The following A3GALT2 variants were observed in gnomAD, a reference collection of about 807,000 sequenced individuals.
A3GALT2 encodes alpha-1,3-galactosyltransferase 2.
Under a neutral mutation model 16.6 loss-of-function variants are expected in A3GALT2, and 14 were observed. The observed-to-expected ratio is 0.84, with a 90% CI of 0.56 to 1.32. The LOEUF is 1.32. A3GALT2 is among the 40% of genes most tolerant of loss of function. A3GALT2 has a pLI of 0.00. For synonymous variants in A3GALT2, 253 were observed against 218.0 expected (o/e 1.16, Z -1.42); for missense variants, 600 against 490.9 (o/e 1.22, Z -2.10).
chr1:33,320,045 C>T lies in A3GALT2; in HGVS notation c.23+1031G>A, dbSNP rs1384868758. Among the ~76,000 whole-genome samples, 5 of 151,956 alleles carry T rather than the reference C, an allele frequency of 3.3e-5. No individual in the cohort carries two copies. In the East Asian group the frequency reaches 9.7e-4, roughly 29 times the overall value. ...CATTTGGGTTCCATTTGACCTGGGC[C>T]TAGCTCAGCCCTGAGGCTCATCTCA... On this transcript the variant is annotated intron_variant, in intron 1 of 4. Transcript: ENST00000442999. This position sits in a 1 kb window ranked among gnomAD's most constrained non-coding sequence, Gnocchi z 4.3.
intron 4 of A3GALT2, among the ~76,000 whole-genome samples, chr1:33,308,750 G>GCTTTTTTTTTTT (rs1646216220): frequency 2.2e-5 from 1 of 46,130 alleles, no homozygotes; most frequent in Non-Finnish European, 3.8e-5. Context: ...TGTCAAAGTT[G>GCTTTTTTTTTTT]TTTTTTTTTT....
At chr1:33,309,792 C>T (rs916121581) in intron 4 of A3GALT2, among the ~76,000 whole-genome samples, 18 of 150,196 alleles carry the variant, frequency 1.2e-4, no homozygotes, top group Middle Eastern at 3.6e-3. Context: ...GGATGGCGGC[C>T]GGGAAGAGGC....
intron 1 of A3GALT2, among the ~76,000 whole-genome samples, chr1:33,316,664 ATGGGCAAGACT>A (rs1646263702): frequency 6.6e-6 from 1 of 152,084 alleles, no homozygotes. Context: ...GGGAGGGCAC[ATGGGCAAGACT>A]TGGCCATGGA....
chr1:33,311,650 C>A (rs1368499683), intron 4 of A3GALT2, among the ~76,000 whole-genome samples: 1 of 152,322 alleles, frequency 6.6e-6, no homozygotes, highest in South Asian at 2.1e-4. Context: ...GAGCTGCTGA[C>A]CTCCAATGGG....
intron 4 of A3GALT2, among the ~76,000 whole-genome samples, chr1:33,310,284 G>C (rs1018037258): frequency 1.1e-4 from 17 of 152,166 alleles, no homozygotes; most frequent in African/African-American, 3.4e-4. Flanking sequence ...GCATCAGAGG[G>C]AGACCGTGGA....
At position 33,320,073 on chromosome 1, in the gene A3GALT2, A is replaced by G. The variant is rs937849897; in HGVS notation, c.23+1003T>C. 1.8e-4 allele frequency among the ~76,000 whole-genome samples: 27 copies of G among 151,788 alleles called. No individual in the cohort carries two copies. Among genetic ancestry groups the G allele is most frequent in the Admixed American group, 1.7e-3 (26 of 15,042 alleles). Reference sequence around the variant, plus strand: ...GCTCAGCCCTGAGGCTCATCTCACAAGGTTCTCGGCCCTGTTATTTCTCCC... The same window carrying G: ...GCTCAGCCCTGAGGCTCATCTCACAGGGTTCTCGGCCCTGTTATTTCTCCC... On this transcript the variant is annotated intron_variant, in intron 1 of 4. Coordinates refer to ENST00000442999, the MANE Select transcript of A3GALT2 (RefSeq NM_001080438.1). The surrounding 1 kb of genome is among the most constrained non-coding windows in gnomAD (Gnocchi z 4.3).
At position 33,307,458 on chromosome 1, in the gene A3GALT2, G is replaced by A. The variant is rs2148155535; in HGVS notation, c.336-5C>T. On this transcript the variant is annotated splice_region_variant and splice_polypyrimidine_tract_variant and intron_variant, in intron 4 of 4. Coordinates refer to ENST00000442999, the MANE Select transcript of A3GALT2 (RefSeq NM_001080438.1). Reference sequence around the variant, plus strand: ...TCCAGGTACTTCTCCAGGTATCTAAGGGCGCGGCGCCACCGTCAGCCTGAG... The same window carrying A: ...TCCAGGTACTTCTCCAGGTATCTAAAGGCGCGGCGCCACCGTCAGCCTGAG... The A allele has an allele frequency of 2.0e-6, 3 of 1,491,696 alleles. No homozygotes were observed. The African/African-American group carries it at 4.4e-5, about 22-fold the overall frequency. The allele number at this position is 1,491,696 out of a possible 1,614,324, so 92.4% of individuals were successfully genotyped here.
Position 33,306,980 on chromosome 1 carries a change from G to A in A3GALT2, c.809C>T (p.Ala270Val). The change falls in exon 5 of 5, where the codon GCG (alanine) becomes GTG (valine). Residue 270 changes from alanine to valine, a missense_variant. Physicochemically the swap from Ala to Val is moderately conservative, Grantham distance 64. Coordinates refer to ENST00000442999, the MANE Select transcript of A3GALT2 (RefSeq NM_001080438.1). ...GSVAALRGLT[A>V]HCAGGLDWDR... is the part of the protein sequence containing the mutation. ...CCAGTCCAGGCCCCCCGCACAGTGC[G>A]CCGTCAGCCCGCGCAGCGCCGCCAC... 6.8e-7 allele frequency: 1 copy of A among 1,474,600 alleles called. No individual in the cohort carries two copies. Among genetic ancestry groups the A allele is most frequent in the Non-Finnish European group, 8.9e-7 (1 of 1,120,154 alleles). 91.3% of individuals were successfully genotyped at this position (1,474,600 alleles called of 1,614,324 possible). A position where few individuals can be genotyped will look rare whatever the true frequency, so the allele number is the denominator to read the frequency against.
intron 4 of A3GALT2, among the ~76,000 whole-genome samples, chr1:33,310,171 C>T (rs973932237): frequency 2.0e-5 from 3 of 152,230 alleles, no homozygotes; most frequent in Admixed American, 6.5e-5. Flanking sequence ...GGCATGGCGG[C>T]GCGCGCCTGC....
In A3GALT2 at chr1:33,312,727, C is replaced by A. The variant is rs553581934; in HGVS notation, c.107+80G>T. ...AGCTGAGTTAGCCACTGCCCTCCATCCCTCAAGGAGGCACTTAGACAGATC... is the reference window on the plus strand; with the variant it reads ...AGCTGAGTTAGCCACTGCCCTCCATACCTCAAGGAGGCACTTAGACAGATC... On this transcript the variant is annotated intron_variant, in intron 2 of 4. Transcript: ENST00000442999. 11 of 1,462,584 alleles carry A rather than the reference C, an allele frequency of 7.5e-6. No homozygotes were observed. In the East Asian group the frequency reaches 1.9e-4, roughly 25 times the overall value. The allele number at this position is 1,462,584 out of a possible 1,614,324, so 90.6% of individuals were successfully genotyped here.
chr1:33,312,239 C>G, intron 3 of A3GALT2, 50 bp from the exon 4 acceptor site: 1 of 1,605,450 alleles, frequency 6.2e-7, no homozygotes. Flanking sequence ...CATCCACCCA[C>G]TTGGTGCATG....
intron 4 of A3GALT2, among the ~76,000 whole-genome samples, chr1:33,309,461 G>A (rs536062633): frequency 1.1e-4 from 16 of 151,766 alleles, no homozygotes; most frequent in African/African-American, 3.1e-4. Context: ...CGTCCCTCCC[G>A]GATGGGGCGG....
chr1:33,310,469 A>T (rs781696641), intron 4 of A3GALT2, among the ~76,000 whole-genome samples: 1 of 152,240 alleles, frequency 6.6e-6, no homozygotes, highest in Non-Finnish European at 1.5e-5. Flanking sequence ...ATACTGTATG[A>T]ACAGACCTTG....
intron 4 of A3GALT2, 133 bp from the exon 5 acceptor site, chr1:33,307,586 C>A (rs1164368732): frequency 3.9e-6 from 2 of 511,164 alleles, no homozygotes; most frequent in Non-Finnish European, 3.0e-6. Context: ...TCCCACCCCA[C>A]CCTCACCCCC....
At chr1:33,318,858 C>T (rs1422376940) in intron 1 of A3GALT2, among the ~76,000 whole-genome samples, 1 of 152,212 alleles carries the variant, frequency 6.6e-6, no homozygotes, top group Non-Finnish European at 1.5e-5. Context: ...CTCATTATGC[C>T]TCTGCCTCAT....
At chr1:33,312,289 T>C (rs919386453) in intron 3 of A3GALT2, 100 bp from the exon 4 acceptor site, 39 of 1,508,486 alleles carry the variant, frequency 2.6e-5, no homozygotes, top group Non-Finnish European at 3.2e-5. Context: ...TAGGGACCCA[T>C]AGACCGATGA....
intron 4 of A3GALT2, among the ~76,000 whole-genome samples, chr1:33,308,755 T>G (rs866579392): frequency 9.4e-5 from 9 of 95,466 alleles, no homozygotes; most frequent in African/African-American, 4.6e-4. Context: ...AAGTTGTTTT[T>G]TTTTTTTTTT....
At position 33,312,112 on chromosome 1, in the gene A3GALT2, G is replaced by A; in HGVS notation, c.275C>T (p.Ala92Val). ...IWDGSFDPDV[A>V]KQEARQQNLT... is the part of the protein sequence containing the mutation. ...GTTCTGCTGTCTAGCCTCTTGCTTG[G>A]CCACATCTGGGTCGAAAGAGCCATC... Residue 92 changes from alanine to valine, a missense_variant, in exon 4 of 5, where the codon GCC (alanine) becomes GTC (valine). By Grantham distance (64) the Ala-to-Val change is moderately conservative (BLOSUM62 0). Transcript: ENST00000442999. The A allele has an allele frequency of 6.2e-7, 1 of 1,613,698 alleles. No homozygotes were observed.
Position 33,312,498 on chromosome 1 carries a change from T to TA in A3GALT2, c.197+2dup. ...TGGAGTAGGAGGGATGGGAGCTTCT[T>TA]ACCAGGGACGCAGGGCACCTGTGAA... On this transcript the variant is annotated splice_region_variant and intron_variant, in intron 3 of 4. Coordinates refer to ENST00000442999, the MANE Select transcript of A3GALT2 (RefSeq NM_001080438.1). The TA allele has an allele frequency of 6.3e-7, 1 of 1,584,900 alleles. No individual in the cohort carries two copies. The highest frequency in any genetic ancestry group is 2.2e-5 in the East Asian group (1 of 44,650).
Sources: allele counts gnomAD v4.1 joint callset (sites outside exome capture counted in the v4.1 genomes callset), GRCh38; gene constraint gnomAD v4.1.1; non-coding constraint Gnocchi (gnomAD v3.1); transcripts MANE v1.5; gene names NCBI Gene and HGNC (gene_info 2026-07-23, HGNC 2026-07-21).